Variants in PTGER4 observed in about 807,000 individuals in gnomAD.
PTGER4 encodes the protein prostaglandin E receptor 4.
A neutral mutation model predicts 33.2 loss-of-function variants in PTGER4; 11 were observed. The observed-to-expected ratio is 0.33, with a 90% CI of 0.21 to 0.55. PTGER4 has a LOEUF of 0.55. PTGER4 is among the 20% of genes least tolerant of loss of function. The probability of loss-of-function intolerance (pLI) is 0.92; values close to 1 mark genes in which losing one functional copy is unlikely to be tolerated. For synonymous variants in PTGER4, 275 were observed against 281.5 expected (o/e 0.98, Z 0.23); for missense variants, 481 against 650.2 (o/e 0.74, Z 2.83).
the PTGER4 span, among the ~76,000 whole-genome samples, chr5:40,711,916 T>G: frequency 1.4e-4 from 21 of 152,152 alleles, no homozygotes; most frequent in South Asian, 4.4e-3. Flanking sequence ...GCTGTTCAGG[T>G]GGAGGGGAAC....
the PTGER4 span, among the ~76,000 whole-genome samples, chr5:40,709,957 T>TA: frequency 2.0e-5 from 3 of 152,180 alleles, no homozygotes; most frequent in Non-Finnish European, 2.9e-5. Context: ...ATGTTAGACC[T>TA]AAAACCATAA....
chr5:40,741,528 T>G, the PTGER4 span, among the ~76,000 whole-genome samples: 329 of 152,290 alleles, frequency 2.2e-3, 1 homozygote, highest in African/African-American at 7.6e-3. Flanking sequence ...CTTCTGGAGC[T>G]TTTTCTCTGA....
At chr5:40,728,581 A>G in the PTGER4 span, 59 of 1,138,756 alleles carry the variant, frequency 5.2e-5, no homozygotes, top group Non-Finnish European at 6.7e-5. Context: ...GTCCAGTAAA[A>G]ATAGCATTTC....
the PTGER4 span, among the ~76,000 whole-genome samples, chr5:40,707,932 C>T: frequency 2.0e-5 from 3 of 152,170 alleles, no homozygotes; most frequent in African/African-American, 7.2e-5. Context: ...TGAATGACTA[C>T]TGAGTACATA....
chr5:40,722,852 C>T, the PTGER4 span, among the ~76,000 whole-genome samples: 6 of 144,496 alleles, frequency 4.2e-5, no homozygotes, highest in East Asian at 2.2e-4. Flanking sequence ...CTGCCCCGTC[C>T]GGGAGGTGGG....
the PTGER4 span, among the ~76,000 whole-genome samples, chr5:40,724,017 A>G: frequency 6.6e-6 from 1 of 152,222 alleles, no homozygotes; most frequent in Non-Finnish European, 1.5e-5. Flanking sequence ...TAATAAAGCT[A>G]TCTCATTTCT....
chr5:40,730,000 C>G, the PTGER4 span, among the ~76,000 whole-genome samples: 1 of 152,092 alleles, frequency 6.6e-6, no homozygotes, highest in East Asian at 1.9e-4. Context: ...CACCTGCCCA[C>G]CAGTGACTTT....
At chr5:40,688,037 A>G (rs908056629) in intron 2 of PTGER4, among the ~76,000 whole-genome samples, 1 of 152,164 alleles carries the variant, frequency 6.6e-6, no homozygotes, top group African/African-American at 2.4e-5. Context: ...CAACATTCCA[A>G]CCTTTCTAAA....
At chr5:40,736,012 G>A in the PTGER4 span, among the ~76,000 whole-genome samples, 1 of 152,154 alleles carries the variant, frequency 6.6e-6, no homozygotes, top group South Asian at 2.1e-4. Flanking sequence ...GGGTATGTTT[G>A]CATGCCAGCA....
chr5:40,716,212 T>G, the PTGER4 span: 18 of 1,614,070 alleles, frequency 1.1e-5, no homozygotes, highest in Non-Finnish European at 1.4e-5. Flanking sequence ...AGTTACAGTC[T>G]CTATGGCCCC....
At chr5:40,714,095 A>G in the PTGER4 span, among the ~76,000 whole-genome samples, 2 of 152,196 alleles carry the variant, frequency 1.3e-5, no homozygotes, top group Non-Finnish European at 2.9e-5. Context: ...CTAGGTTCTT[A>G]TAACAGGGCC....
intron 2 of PTGER4, among the ~76,000 whole-genome samples, chr5:40,686,126 G>A (rs1741318366): frequency 6.6e-6 from 1 of 152,138 alleles, no homozygotes. Flanking sequence ...AGTAACAGCT[G>A]TGTCAATTTT....
At chr5:40,723,870 AAAAC>A in the PTGER4 span, among the ~76,000 whole-genome samples, 926 of 152,302 alleles carry the variant, frequency 6.1e-3, 40 homozygotes, top group East Asian at 0.11. Flanking sequence ...CTCTCAAAAA[AAAAC>A]AAACAAACAA....
At chr5:40,721,656 A>C in the PTGER4 span, among the ~76,000 whole-genome samples, 2 of 152,088 alleles carry the variant, frequency 1.3e-5, no homozygotes, top group Non-Finnish European at 2.9e-5. Context: ...ACATTGTAGG[A>C]GTCTTATGAC....
intron 2 of PTGER4, among the ~76,000 whole-genome samples, chr5:40,686,874 G>T (rs1013327043): frequency 6.6e-6 from 1 of 152,058 alleles, no homozygotes; most frequent in African/African-American, 2.4e-5. Context: ...CTCCAGCCTG[G>T]GTGACAGAGT....
chr5:40,697,209 AAAGAAAAAGAAAG>A, downstream of PTGER4, among the ~76,000 whole-genome samples: 1 of 136,198 alleles, frequency 7.3e-6, no homozygotes, highest in Non-Finnish European at 1.6e-5. Context: ...AGAAAGAAAG[AAAGAAAAAGAAAG>A]AAGAAAAGAA....
At chr5:40,738,439 A>C in the PTGER4 span, among the ~76,000 whole-genome samples, 54 of 119,828 alleles carry the variant, frequency 4.5e-4, no homozygotes, top group Admixed American at 9.1e-4. Context: ...ATAAAATATA[A>C]AATAAAATAC....
At chr5:40,694,266 G>T (rs988920004), downstream of PTGER4, among the ~76,000 whole-genome samples, 2 of 152,062 alleles carry the variant, frequency 1.3e-5, no homozygotes, top group Non-Finnish European at 2.9e-5. Context: ...GCCATGGTTG[G>T]TCTCAAACTC....
At chr5:40,729,212 C>G in the PTGER4 span, among the ~76,000 whole-genome samples, 1 of 152,074 alleles carries the variant, frequency 6.6e-6, no homozygotes, top group Non-Finnish European at 1.5e-5. Flanking sequence ...AATGAAGGTC[C>G]TCATATCACT....
Sources: gnomAD v4.1 joint callset for allele counts (sites outside exome capture counted in the v4.1 genomes callset) on GRCh38, gnomAD v4.1.1 for gene constraint, MANE v1.5 for transcripts, NCBI Gene and HGNC (gene_info 2026-07-23, HGNC 2026-07-21) for gene names.